Variants in CDH18 observed in about 807,000 individuals in gnomAD.
The protein encoded by CDH18 is cadherin 18, also known as cadherin-18.
Under a neutral mutation model 67.9 loss-of-function variants are expected in CDH18, and 31 were observed. The ratio of observed to expected loss-of-function variants is 0.46; its 90% confidence interval spans 0.34 to 0.62. The LOEUF is 0.62. CDH18 is among the 20% of genes least tolerant of loss of function. CDH18 has a pLI of 0.01. For synonymous variants in CDH18, 362 were observed against 347.2 expected (o/e 1.04, Z -0.48); for missense variants, 890 against 975.5 (o/e 0.91, Z 1.17).
chr5:20,478,070 G>A (rs900312591), intron 1 of CDH18, among the ~76,000 whole-genome samples: 13 of 152,136 alleles, frequency 8.5e-5, no homozygotes, highest in Non-Finnish European at 1.9e-4. Context: ...TCAATAAAGA[G>A]CTCTTGGGTC....
intron 8 of CDH18, among the ~76,000 whole-genome samples, chr5:19,552,133 A>G (rs1737565109): frequency 6.6e-6 from 1 of 152,156 alleles, no homozygotes; most frequent in African/African-American, 2.4e-5. Context: ...ATATCTAGAT[A>G]AGATATTTAT....
At chr5:19,876,791 T>A (rs1438922913) in intron 2 of CDH18, among the ~76,000 whole-genome samples, 3 of 152,136 alleles carry the variant, frequency 2.0e-5, no homozygotes, top group Non-Finnish European at 4.4e-5. Flanking sequence ...TGGTTCATTG[T>A]TTGCTCAACC....
At chr5:19,910,084 A>G (rs557451369) in intron 2 of CDH18, among the ~76,000 whole-genome samples, 1 of 152,256 alleles carries the variant, frequency 6.6e-6, no homozygotes, top group South Asian at 2.1e-4. Context: ...TCAGAAATGG[A>G]TATTTTCTTT....
chr5:19,979,795 T>C (rs533657298), intron 2 of CDH18, among the ~76,000 whole-genome samples: 2 of 152,238 alleles, frequency 1.3e-5, no homozygotes, highest in Non-Finnish European at 2.9e-5. Context: ...TTGTTTCTAA[T>C]AGCAGATTCA....
At chr5:20,476,471 T>A (rs908569458) in intron 1 of CDH18, among the ~76,000 whole-genome samples, 1 of 152,146 alleles carries the variant, frequency 6.6e-6, no homozygotes, top group Non-Finnish European at 1.5e-5. Context: ...AAGTTTAGAG[T>A]TGAATTTCTT....
intron 2 of CDH18, among the ~76,000 whole-genome samples, chr5:20,098,420 T>C (rs945609936): frequency 2.0e-5 from 3 of 152,144 alleles, no homozygotes; most frequent in Non-Finnish European, 2.9e-5. Flanking sequence ...ATGATGTATA[T>C]TAGGTATCTA....
intron 1 of CDH18, among the ~76,000 whole-genome samples, chr5:20,280,212 TC>T (rs1430563362): frequency 3.3e-4 from 50 of 152,094 alleles, no homozygotes; most frequent in African/African-American, 1.0e-3. Flanking sequence ...TTTTCTGGAT[TC>T]TTTTTTTTAT....
intron 1 of CDH18, among the ~76,000 whole-genome samples, chr5:20,484,074 C>T (rs1052260141): frequency 3.3e-5 from 5 of 151,904 alleles, no homozygotes; most frequent in Non-Finnish European, 7.4e-5. Context: ...GAATAAACAA[C>T]TCTATAGGAA....
chr5:19,836,728 C>T (rs1561407230), intron 3 of CDH18, among the ~76,000 whole-genome samples: 1 of 152,016 alleles, frequency 6.6e-6, no homozygotes, highest in Non-Finnish European at 1.5e-5. Context: ...GTGTTTTAGT[C>T]ATGAAGTCTT....
chr5:19,550,282 CT>C (rs1737172140), intron 8 of CDH18, among the ~76,000 whole-genome samples: 1 of 151,900 alleles, frequency 6.6e-6, no homozygotes, highest in African/African-American at 2.4e-5. Context: ...TATTATTATA[CT>C]TTAAGTTTTA....
intron 1 of CDH18, among the ~76,000 whole-genome samples, chr5:20,406,080 T>C (rs1365511292): frequency 1.3e-5 from 2 of 152,204 alleles, no homozygotes; most frequent in African/African-American, 4.8e-5. Context: ...ATCCCATTAC[T>C]GGGTATATAC....
chr5:20,062,991 C>CTTTTTTTTTTTTTT (rs5866413), intron 2 of CDH18, among the ~76,000 whole-genome samples: 2 of 139,156 alleles, frequency 1.4e-5, no homozygotes, highest in Non-Finnish European at 1.5e-5. Flanking sequence ...TTTTTTCTTT[C>CTTTTTTTTTTTTTT]TTTTTTTTTT....
intron 5 of CDH18, among the ~76,000 whole-genome samples, chr5:19,711,276 G>A (rs1478673792): frequency 3.3e-5 from 5 of 151,914 alleles, no homozygotes; most frequent in Non-Finnish European, 4.4e-5. Context: ...CTTCTGCACA[G>A]CAAATGCAAC....
intron 9 of CDH18, among the ~76,000 whole-genome samples, chr5:19,523,466 A>G (rs78385537): frequency 0.019 from 2,937 of 152,242 alleles, 76 homozygotes; most frequent in African/African-American, 0.066. Flanking sequence ...GTAATATATA[A>G]TTTAACATAT....
chr5:20,233,111 A>ATATTAC (rs1742199981), intron 2 of CDH18, among the ~76,000 whole-genome samples: 1 of 151,564 alleles, frequency 6.6e-6, no homozygotes. Context: ...CTTGTTCTTC[A>ATATTAC]TATTACTATT....
intron 1 of CDH18, among the ~76,000 whole-genome samples, chr5:20,516,304 GT>G (rs895377748): frequency 2.0e-5 from 3 of 151,868 alleles, no homozygotes; most frequent in Non-Finnish European, 4.4e-5. Flanking sequence ...AGAACAAGAG[GT>G]TTAGAGAAAC....
At chr5:19,919,759 G>A (rs1352722355) in intron 2 of CDH18, among the ~76,000 whole-genome samples, 1 of 152,118 alleles carries the variant, frequency 6.6e-6, no homozygotes, top group East Asian at 1.9e-4. Context: ...TCAATTCACT[G>A]TGAGCAAACA....
At chr5:20,172,428 G>T (rs1736907226) in intron 2 of CDH18, among the ~76,000 whole-genome samples, 2 of 150,398 alleles carry the variant, frequency 1.3e-5, no homozygotes, top group South Asian at 4.2e-4. Context: ...AAATTATTGT[G>T]GCTTCCACAA....
intron 2 of CDH18, among the ~76,000 whole-genome samples, chr5:20,236,398 C>T (rs1219242522): frequency 1.3e-5 from 2 of 151,268 alleles, no homozygotes; most frequent in Non-Finnish European, 3.0e-5. Context: ...AATCCTATAC[C>T]CAGAAATATT....
Sources: gnomAD v4.1 joint callset for allele counts (sites outside exome capture counted in the v4.1 genomes callset) on GRCh38, gnomAD v4.1.1 for gene constraint, MANE v1.5 for transcripts, NCBI Gene and HGNC (gene_info 2026-07-23, HGNC 2026-07-21) for gene names.